SH3PXD2A: variants seen among roughly 807,000 people sequenced by gnomAD.
The protein encoded by SH3PXD2A is SH3 and PX domain-containing protein 2A.
A neutral mutation model predicts 115.2 loss-of-function variants in SH3PXD2A; 32 were observed. The observed-to-expected ratio is 0.28, with a 90% CI of 0.21 to 0.37. The LOEUF is 0.37. SH3PXD2A is among the 10% of genes least tolerant of loss of function. The pLI, the probability that SH3PXD2A is intolerant of heterozygous loss-of-function variation, is 1.00. For synonymous variants in SH3PXD2A, 610 were observed against 629.1 expected, an observed-to-expected ratio of 0.97 and a Z score of 0.45; for missense variants, 1,328 against 1,498.7, an observed-to-expected ratio of 0.89 and a Z score of 1.88.
chr10:103,631,381 T>C (rs2036777559), intron 8 of SH3PXD2A, among the ~76,000 whole-genome samples: 1 of 152,214 alleles, frequency 6.6e-6, no homozygotes, highest in East Asian at 1.9e-4. Flanking sequence ...ATAAAAGTTA[T>C]GTGAATGTGG....
chr10:103,734,507 G>T (rs2038358247), intron 4 of SH3PXD2A, among the ~76,000 whole-genome samples: 1 of 152,200 alleles, frequency 6.6e-6, no homozygotes. Flanking sequence ...CCAGCACTTT[G>T]GGACGCCAAG....
chr10:103,645,090 G>A (rs1447540029), intron 8 of SH3PXD2A, among the ~76,000 whole-genome samples: 2 of 152,154 alleles, frequency 1.3e-5, no homozygotes, highest in African/African-American at 4.8e-5. Context: ...CCAGCGTTCT[G>A]CTCTCCTAAC....
chr10:103,726,057 C>A, intron 4 of SH3PXD2A, among the ~76,000 whole-genome samples: 1 of 151,982 alleles, frequency 6.6e-6, no homozygotes, highest in Non-Finnish European at 1.5e-5. Context: ...AGGAAGGATC[C>A]CCTGGTCCAA....
At chr10:103,636,144 C>T (rs1005752027) in intron 8 of SH3PXD2A, among the ~76,000 whole-genome samples, 1 of 152,100 alleles carries the variant, frequency 6.6e-6, no homozygotes, top group Non-Finnish European at 1.5e-5. Context: ...CGCGGTGGCT[C>T]AGGCCTGTAA....
At chr10:103,646,606 GCAA>G (rs1378657242) in intron 8 of SH3PXD2A, among the ~76,000 whole-genome samples, 1 of 152,272 alleles carries the variant, frequency 6.6e-6, no homozygotes, top group African/African-American at 2.4e-5. Context: ...CAACCAACCA[GCAA>G]CCACAGTCCC....
intron 3 of SH3PXD2A, 40 bp downstream of exon 3, chr10:103,767,054 G>A (rs566898990): frequency 1.1e-5 from 17 of 1,501,472 alleles, no homozygotes; most frequent in African/African-American, 6.9e-5. Context: ...GGTCCTTCCC[G>A]GGTATCCCCC....
intron 3 of SH3PXD2A, among the ~76,000 whole-genome samples, chr10:103,760,290 C>A (rs1343373265): frequency 6.6e-6 from 1 of 152,180 alleles, no homozygotes; most frequent in Non-Finnish European, 1.5e-5. Context: ...TAAACCAGGT[C>A]AGGTGCAGTG....
rs547714507 is a variant in SH3PXD2A at position 103,747,302 on chromosome 10, A to G, written c.230-11494T>C. ...GAGTGTGGTTAGCTCAGAGGCCGGC[A>G]TCAGGGCCAAGCTGTACCCCCTCCA... On this transcript the variant is annotated intron_variant, in intron 3 of 14. Coordinates refer to ENST00000369774, the MANE Select transcript of SH3PXD2A (RefSeq NM_001394015.1). 1.5e-4 allele frequency among the ~76,000 whole-genome samples: 23 copies of G among 152,270 alleles called. No individual in the cohort carries two copies. In the East Asian group the frequency reaches 4.5e-3, roughly 30 times the overall value.
chr10:103,796,683 G>A (rs1336416424), intron 2 of SH3PXD2A, among the ~76,000 whole-genome samples: 3 of 152,034 alleles, frequency 2.0e-5, no homozygotes, highest in South Asian at 2.1e-4. Context: ...ACTCTTACCC[G>A]GAGCCAGCCT....
At chr10:103,789,227 A>G (rs2039010201) in intron 2 of SH3PXD2A, among the ~76,000 whole-genome samples, 1 of 152,144 alleles carries the variant, frequency 6.6e-6, no homozygotes, top group African/African-American at 2.4e-5. Flanking sequence ...CCCAGATCGA[A>G]GCTGCCCCCA....
intron 4 of SH3PXD2A, among the ~76,000 whole-genome samples, chr10:103,732,637 G>A (rs960936174): frequency 6.6e-6 from 1 of 152,238 alleles, no homozygotes; most frequent in African/African-American, 2.4e-5. Context: ...CTTGCAGGGA[G>A]CCGGCTGCTC....
intron 3 of SH3PXD2A, among the ~76,000 whole-genome samples, chr10:103,750,301 C>T (rs1182973961): frequency 6.6e-6 from 1 of 152,148 alleles, no homozygotes; most frequent in Non-Finnish European, 1.5e-5. Context: ...GATCCTGCCA[C>T]CCTGGCCTAC....
chr10:103,698,652 A>G (rs1396895987), intron 5 of SH3PXD2A, among the ~76,000 whole-genome samples: 2 of 132,394 alleles, frequency 1.5e-5, no homozygotes, highest in Non-Finnish European at 3.5e-5. Context: ...GCTGTTATCA[A>G]CCTAAAAGCA....
intron 8 of SH3PXD2A, 129 bp downstream of exon 8, chr10:103,660,854 C>A: frequency 9.5e-7 from 1 of 1,055,878 alleles, no homozygotes; most frequent in Non-Finnish European, 1.4e-6. Flanking sequence ...TCAGCCGCCT[C>A]GGCCCTCTCT....
Position 103,828,335 on chromosome 10 carries a change from G to A in SH3PXD2A, c.72+26860C>T, listed in dbSNP as rs538371811. Among the ~76,000 whole-genome samples the A allele has an allele frequency of 6.7e-4, 102 of 152,216 alleles. 1 individual carries two copies. The highest frequency in any genetic ancestry group is 4.5e-3 in the Admixed American group (69 of 15,296). On this transcript the variant is annotated intron_variant, in intron 1 of 14. Transcript: ENST00000369774. ...TTCTCATGTTGCAAGTCCAGTGAGC[G>A]ATTTTACCACCACTCCTCAAATGAG...
chr10:103,846,827 C>T (rs2134325021), intron 1 of SH3PXD2A, among the ~76,000 whole-genome samples: 1 of 152,282 alleles, frequency 6.6e-6, no homozygotes, highest in East Asian at 1.9e-4. Context: ...TCTGTGGGGA[C>T]AGGGCAGGCT....
intron 5 of SH3PXD2A, among the ~76,000 whole-genome samples, chr10:103,720,237 G>A (rs564058286): frequency 3.4e-4 from 52 of 152,326 alleles, no homozygotes; most frequent in African/African-American, 1.1e-3. Context: ...TCATAAGGGC[G>A]CAAATCCCAT....
chr10:103,674,511 C>T (rs562981146), intron 6 of SH3PXD2A, among the ~76,000 whole-genome samples: 65 of 152,198 alleles, frequency 4.3e-4, no homozygotes, highest in Non-Finnish European at 8.2e-4. Flanking sequence ...ATTCGTAATT[C>T]TTTAAAAGTC....
intron 5 of SH3PXD2A, among the ~76,000 whole-genome samples, chr10:103,719,254 G>A (rs1038554929): frequency 2.6e-5 from 4 of 152,218 alleles, no homozygotes; most frequent in African/African-American, 7.2e-5. Context: ...GTGGGGAGCG[G>A]GTGCTGACGA....
Sources: gnomAD v4.1 joint callset for allele counts (sites outside exome capture counted in the v4.1 genomes callset) on GRCh38, gnomAD v4.1.1 for gene constraint, MANE v1.5 for transcripts, NCBI Gene and HGNC (gene_info 2026-07-23, HGNC 2026-07-21) for gene names.